TAFA5: variants seen among roughly 807,000 people sequenced by gnomAD.
TAFA5 encodes TAFA chemokine like family member 5.
Under a neutral mutation model 15.3 loss-of-function variants are expected in TAFA5, and 6 were observed. The ratio of observed to expected loss-of-function variants is 0.39; its 90% CI spans 0.21 to 0.77. The LOEUF (loss-of-function observed/expected upper bound fraction) is 0.77. Ranked by LOEUF, TAFA5 falls within the 30% of genes least tolerant of loss-of-function variation. The probability of loss-of-function intolerance (pLI) is 0.41; values close to 1 mark genes in which losing one functional copy is unlikely to be tolerated. For synonymous variants in TAFA5, 103 were observed against 80.7 expected (o/e 1.28, Z -1.48); for missense variants, 161 against 193.1 (o/e 0.83, Z 0.98).
At chr22:48,546,135 G>C (rs1022163363) in intron 1 of TAFA5, among the ~76,000 whole-genome samples, 1 of 152,196 alleles carries the variant, frequency 6.6e-6, no homozygotes, top group South Asian at 2.1e-4. Flanking sequence ...TCGCTGAGTC[G>C]GGAGGAGGAG....
intron 3 of TAFA5, among the ~76,000 whole-genome samples, chr22:48,745,078 T>C (rs1424948631): frequency 6.6e-6 from 1 of 152,196 alleles, no homozygotes; most frequent in Non-Finnish European, 1.5e-5. Flanking sequence ...GTCTCATCCC[T>C]GGGACCATTA....
chr22:48,690,197 C>T (rs570426904), intron 2 of TAFA5, among the ~76,000 whole-genome samples: 2 of 152,258 alleles, frequency 1.3e-5, no homozygotes, highest in African/African-American at 2.4e-5. Context: ...GGGCTCCCAG[C>T]GGGTTCCTGG....
intron 1 of TAFA5, among the ~76,000 whole-genome samples, chr22:48,614,694 G>A (rs564251665): frequency 2.0e-5 from 3 of 152,350 alleles, no homozygotes; most frequent in African/African-American, 7.2e-5. Flanking sequence ...GCGTCCTGGG[G>A]CATCTGTGGA....
chr22:48,632,556 G>A (rs2147190460), intron 1 of TAFA5, among the ~76,000 whole-genome samples: 1 of 152,318 alleles, frequency 6.6e-6, no homozygotes, highest in Non-Finnish European at 1.5e-5. Context: ...GGATACTAGG[G>A]TGAAACAAGA....
In TAFA5 at chr22:48,634,426, C is replaced by A. The variant is rs12157845; in HGVS notation, c.113-12171C>A. On this transcript the variant is annotated intron_variant, in intron 1 of 3. Coordinates refer to ENST00000402357, the MANE Select transcript of TAFA5 (RefSeq NM_001082967.3). ...TCACTCATTCACTCCTTTACTCATT[C>A]ACTCACTCATTCATTAACTCATTTA... Among the ~76,000 whole-genome samples, 355 of 148,298 alleles carry A rather than the reference C, an allele frequency of 2.4e-3. 1 individual carries two copies. Among genetic ancestry groups the A allele is most frequent in the African/African-American group, 8.9e-3 (336 of 37,770 alleles).
intron 1 of TAFA5, among the ~76,000 whole-genome samples, chr22:48,583,018 C>T (rs1924143055): frequency 6.9e-6 from 1 of 145,478 alleles, no homozygotes; most frequent in African/African-American, 2.6e-5. Flanking sequence ...AAATACACCA[C>T]ACACCACATG....
chr22:48,650,502 A>G (rs577207384), intron 2 of TAFA5, among the ~76,000 whole-genome samples: 13 of 152,260 alleles, frequency 8.5e-5, no homozygotes, highest in African/African-American at 2.4e-4. Flanking sequence ...GGATGCATCC[A>G]TGAGGGGGCA....
At chr22:48,625,965 T>C (rs1184008696) in intron 1 of TAFA5, among the ~76,000 whole-genome samples, 3 of 152,246 alleles carry the variant, frequency 2.0e-5, no homozygotes, top group African/African-American at 7.2e-5. Context: ...CGTCTCAGAC[T>C]GACCTTTTGC....
chr22:48,682,360 T>G (rs1601668341), intron 2 of TAFA5, among the ~76,000 whole-genome samples: 1 of 152,120 alleles, frequency 6.6e-6, no homozygotes, highest in South Asian at 2.1e-4. Flanking sequence ...GATGAAGGGG[T>G]TGGGGCAGAA....
chr22:48,517,606 C>T (rs1018122785), intron 1 of TAFA5, among the ~76,000 whole-genome samples: 4 of 152,168 alleles, frequency 2.6e-5, no homozygotes, highest in East Asian at 1.9e-4. Context: ...TACGGGCATC[C>T]GGGTTCTGAT....
chr22:48,518,950 G>C (rs555231899), intron 1 of TAFA5, among the ~76,000 whole-genome samples: 2 of 152,248 alleles, frequency 1.3e-5, no homozygotes, highest in Non-Finnish European at 2.9e-5. Flanking sequence ...CGGTCCCCCA[G>C]CTCACCTGTC....
intron 1 of TAFA5, among the ~76,000 whole-genome samples, chr22:48,618,487 C>G (rs1262212719): frequency 1.3e-5 from 2 of 152,254 alleles, no homozygotes; most frequent in African/African-American, 4.8e-5. Context: ...ATGGCTTTGC[C>G]TGGTGTTGGG....
chr22:48,544,468 C>A (rs926424042), intron 1 of TAFA5: 25 of 348,846 alleles, frequency 7.2e-5, no homozygotes, highest in African/African-American at 4.3e-4. Flanking sequence ...GACAAGGCAG[C>A]CGTTTGTTGA....
At chr22:48,661,409 C>T (rs1383160937) in intron 2 of TAFA5, among the ~76,000 whole-genome samples, 2 of 152,188 alleles carry the variant, frequency 1.3e-5, no homozygotes, top group East Asian at 1.9e-4. Flanking sequence ...GAACTCGCCC[C>T]GATGAGGGGA....
Position 48,681,738 on chromosome 22 carries a change from C to T in TAFA5, c.263-25979C>T, listed in dbSNP as rs112183532. Among the ~76,000 whole-genome samples the T allele has an allele frequency of 6.5e-3, 985 of 152,032 alleles. 12 individuals carry two copies. Among genetic ancestry groups the T allele is most frequent in the African/African-American group, 0.023 (961 of 41,432 alleles). On this transcript the variant is annotated intron_variant, in intron 2 of 3. Coordinates refer to ENST00000402357, the MANE Select transcript of TAFA5 (RefSeq NM_001082967.3). ...CGCTTTCCCTGATTCTCAGACAGAA[C>T]ACACGTGTAGTTATTTAGTTGAGTT...
chr22:48,523,854 T>C (rs1921689130), intron 1 of TAFA5, among the ~76,000 whole-genome samples: 1 of 152,188 alleles, frequency 6.6e-6, no homozygotes, highest in Admixed American at 6.5e-5. Flanking sequence ...GAGAGGAGGC[T>C]GGCGAGAAGT....
chr22:48,741,293 G>A (rs28616773), intron 3 of TAFA5, among the ~76,000 whole-genome samples: 5,140 of 151,610 alleles, frequency 0.034, 272 homozygotes, highest in African/African-American at 0.12. Flanking sequence ...TCACCCCTGG[G>A]TCCCTCCCTG....
At chr22:48,524,298 C>T (rs1468869241) in intron 1 of TAFA5, among the ~76,000 whole-genome samples, 2 of 152,150 alleles carry the variant, frequency 1.3e-5, no homozygotes, top group South Asian at 2.1e-4. Flanking sequence ...GCGCCTTTGG[C>T]GTTTGGAGTG....
chr22:48,679,186 TCC>T (rs1324623935), intron 2 of TAFA5, among the ~76,000 whole-genome samples: 2 of 84,914 alleles, frequency 2.4e-5, no homozygotes. Context: ...CTCTCCCGGC[TCC>T]CTGTCCATCC....
Sources: allele counts gnomAD v4.1 joint callset (sites outside exome capture counted in the v4.1 genomes callset), GRCh38; gene constraint gnomAD v4.1.1; transcripts MANE v1.5; gene names NCBI Gene and HGNC (gene_info 2026-07-23, HGNC 2026-07-21).